PDE1A: variants seen among roughly 807,000 people sequenced by gnomAD.
PDE1A encodes phosphodiesterase 1A, also known as dual specificity calcium/calmodulin-dependent 3',5'-cyclic nucleotide phosphodiesterase 1A.
Under a neutral mutation model 61.7 loss-of-function variants are expected in PDE1A, and 35 were observed. The observed-to-expected ratio is 0.57, with a 90% CI of 0.43 to 0.75. PDE1A has a LOEUF of 0.75. Ranked by LOEUF, PDE1A falls within the 30% of genes least tolerant of loss-of-function variation. PDE1A has a pLI of 0.00. For missense variants in PDE1A, 597 were observed against 630.6 expected, an observed-to-expected ratio of 0.95 and a Z score of 0.57; for synonymous variants, 232 against 213.2, an observed-to-expected ratio of 1.09 and a Z score of -0.77.
chr2:182,685,640 T>C, the PDE1A span, among the ~76,000 whole-genome samples: 1 of 152,192 alleles, frequency 6.6e-6, no homozygotes, highest in East Asian at 1.9e-4. Context: ...ACTGCCTGAG[T>C]GCTAAATCTC....
At chr2:182,630,568 A>G in the PDE1A span, among the ~76,000 whole-genome samples, 1 of 151,932 alleles carries the variant, frequency 6.6e-6, no homozygotes, top group African/African-American at 2.4e-5. Context: ...AAAAAAAAAA[A>G]CTTACCTGAT....
the PDE1A span, among the ~76,000 whole-genome samples, chr2:182,674,897 A>G: frequency 6.6e-6 from 1 of 152,088 alleles, no homozygotes; most frequent in Non-Finnish European, 1.5e-5. Context: ...CTGCAACCCC[A>G]TGATTTAATG....
At chr2:182,411,068 G>C (rs554781372) in intron 1 of PDE1A, among the ~76,000 whole-genome samples, 2 of 152,194 alleles carry the variant, frequency 1.3e-5, no homozygotes, top group Non-Finnish European at 2.9e-5. Flanking sequence ...ATCCATGTAA[G>C]TAGAAGCCAG....
intron 2 of PDE1A, among the ~76,000 whole-genome samples, chr2:182,253,379 A>G (rs1387332427): frequency 6.6e-6 from 1 of 152,156 alleles, no homozygotes; most frequent in South Asian, 2.1e-4. Flanking sequence ...ATCACCAAGG[A>G]CTAAGGTTTC....
the PDE1A span, among the ~76,000 whole-genome samples, chr2:182,692,342 A>G: frequency 6.6e-6 from 1 of 152,194 alleles, no homozygotes; most frequent in African/African-American, 2.4e-5. Context: ...ATGCAGCCAT[A>G]AAAATGATGA....
chr2:182,172,962 C>T (rs1314846310), intron 13 of PDE1A, among the ~76,000 whole-genome samples: 3 of 151,944 alleles, frequency 2.0e-5, no homozygotes, highest in Non-Finnish European at 4.4e-5. Context: ...CAGGGTACAA[C>T]AGTATGAACC....
the PDE1A span, among the ~76,000 whole-genome samples, chr2:182,534,665 G>C: frequency 4.8e-4 from 72 of 151,084 alleles, no homozygotes; most frequent in Non-Finnish European, 9.5e-4. Context: ...AATTTGTAAA[G>C]ATTATTTTAT....
chr2:182,521,369 T>C (rs1690555445), intron 2 of PDE1A, among the ~76,000 whole-genome samples: 1 of 152,062 alleles, frequency 6.6e-6, no homozygotes, highest in African/African-American at 2.4e-5. Flanking sequence ...AAAGCAAATA[T>C]ATTAATATTT....
chr2:182,670,157 G>T, the PDE1A span, among the ~76,000 whole-genome samples: 2 of 152,166 alleles, frequency 1.3e-5, no homozygotes, highest in African/African-American at 2.4e-5. Flanking sequence ...ACAACCCCAT[G>T]TCTCGTTTGC....
At chr2:182,710,088 G>C in the PDE1A span, among the ~76,000 whole-genome samples, 1 of 152,114 alleles carries the variant, frequency 6.6e-6, no homozygotes, top group Admixed American at 6.6e-5. Flanking sequence ...GCAGAGATAC[G>C]GTTTCACCAT....
At chr2:182,482,261 C>T (rs1161950211) in intron 2 of PDE1A, among the ~76,000 whole-genome samples, 1 of 151,744 alleles carries the variant, frequency 6.6e-6, no homozygotes, top group Non-Finnish European at 1.5e-5. Context: ...AGGTTATCAC[C>T]TAGTTTTTAA....
chr2:182,311,978 T>C (rs959012830), intron 1 of PDE1A, among the ~76,000 whole-genome samples: 2 of 152,166 alleles, frequency 1.3e-5, no homozygotes, highest in Admixed American at 1.3e-4. Context: ...TCCTAATAGA[T>C]GTGTAGTGGT....
chr2:182,635,742 C>T, the PDE1A span, among the ~76,000 whole-genome samples: 1 of 150,994 alleles, frequency 6.6e-6, no homozygotes, highest in Admixed American at 6.6e-5. Context: ...GAGTGTCCTT[C>T]ATATGGGAGG....
intron 1 of PDE1A, among the ~76,000 whole-genome samples, chr2:182,316,167 G>A (rs986806090): frequency 6.6e-6 from 1 of 152,172 alleles, no homozygotes; most frequent in African/African-American, 2.4e-5. Context: ...ATGCACATCA[G>A]ATTATTCTAA....
chr2:182,331,561 A>C (rs1430627867), intron 1 of PDE1A, among the ~76,000 whole-genome samples: 3 of 152,202 alleles, frequency 2.0e-5, no homozygotes, highest in Admixed American at 2.0e-4. Flanking sequence ...AAAATCTCTC[A>C]GCATTTGCTT....
At chr2:182,227,760 C>G (rs1486210484) in intron 6 of PDE1A, among the ~76,000 whole-genome samples, 7 of 152,038 alleles carry the variant, frequency 4.6e-5, no homozygotes, top group Admixed American at 4.6e-4. Flanking sequence ...CTTCCTGAGT[C>G]CATGCTCTCT....
At chr2:182,497,210 G>T (rs1403760004) in intron 2 of PDE1A, among the ~76,000 whole-genome samples, 1 of 152,138 alleles carries the variant, frequency 6.6e-6, no homozygotes, top group African/African-American at 2.4e-5. Context: ...CCCTCAAAAG[G>T]ACAGTGTGAA....
At chr2:182,275,529 A>C (rs893556361) in intron 1 of PDE1A, among the ~76,000 whole-genome samples, 2 of 152,128 alleles carry the variant, frequency 1.3e-5, no homozygotes, top group African/African-American at 4.8e-5. Flanking sequence ...CAAATAAGGC[A>C]GAAAGGTAGG....
chr2:182,346,156 T>C (rs761348858), intron 1 of PDE1A, among the ~76,000 whole-genome samples: 1 of 152,222 alleles, frequency 6.6e-6, no homozygotes, highest in Non-Finnish European at 1.5e-5. Context: ...TTATCTATTC[T>C]AGTTGTTTAC....
Sources: gnomAD v4.1 joint callset for allele counts (sites outside exome capture counted in the v4.1 genomes callset) on GRCh38, gnomAD v4.1.1 for gene constraint, MANE v1.5 for transcripts, NCBI Gene and HGNC (gene_info 2026-07-23, HGNC 2026-07-21) for gene names.